Variants in ODAD2 observed in about 807,000 individuals in gnomAD.
ODAD2 encodes the protein outer dynein arm docking complex subunit 2.
ODAD2 carries 89 observed loss-of-function variants against 106.8 expected under a neutral mutation model. The observed-to-expected ratio is 0.83, with a 90% CI of 0.70 to 0.99. The LOEUF (loss-of-function observed/expected upper bound fraction) is 0.99. ODAD2 is among the 50% of genes least tolerant of loss of function. ODAD2 has a pLI of 0.00. For missense variants in ODAD2, 1,168 were observed against 1,238.5 expected, an observed-to-expected ratio of 0.94 and a Z score of 0.85; for synonymous variants, 404 against 436.2, an observed-to-expected ratio of 0.93 and a Z score of 0.92.
intron 15 of ODAD2, among the ~76,000 whole-genome samples, chr10:27,935,768 T>C (rs1248794342): frequency 1.3e-5 from 2 of 150,936 alleles, no homozygotes; most frequent in Non-Finnish European, 2.9e-5. Context: ...CCATCTCTCT[T>C]GTCATAAAAT....
chr10:27,975,361 G>A (rs1358613871), intron 7 of ODAD2, among the ~76,000 whole-genome samples: 6 of 152,056 alleles, frequency 3.9e-5, no homozygotes, highest in South Asian at 2.1e-4. Flanking sequence ...CTAGTTCCTC[G>A]AGGAAATTTA....
At chr10:27,957,842 C>CT (rs1204684011) in intron 10 of ODAD2, among the ~76,000 whole-genome samples, 9 of 151,372 alleles carry the variant, frequency 5.9e-5, no homozygotes, top group African/African-American at 1.5e-4. Flanking sequence ...CTCGTTAAAT[C>CT]TTTTTTTTTC....
Position 27,987,531 on chromosome 10 carries a change from G to T in ODAD2, c.237C>A (p.Val79=). Residue 79 remains valine (V), a synonymous_variant, in exon 3 of 20, where the codon GTC becomes GTA. Transcript: ENST00000305242. The part of the protein sequence containing the change: ...ESGYVVSETT[V]KSEEVDKNGQ... ...CATTTTTATCAACTTCTTCTGATTTGACTGTTGTTTCACTAAAAAATAAAA... is the reference window on the plus strand; with the variant it reads ...CATTTTTATCAACTTCTTCTGATTTTACTGTTGTTTCACTAAAAAATAAAA... 1 of 1,607,522 alleles carries T rather than the reference G, an allele frequency of 6.2e-7. No individual in the cohort carries two copies. The highest frequency in any genetic ancestry group is 8.5e-7 in the Non-Finnish European group (1 of 1,177,906).
chr10:27,869,020 A>G (rs1840660984), intron 17 of ODAD2, among the ~76,000 whole-genome samples: 1 of 151,988 alleles, frequency 6.6e-6, no homozygotes, highest in Non-Finnish European at 1.5e-5. Context: ...AAAGCAATGA[A>G]TGAAAAACCT....
At chr10:27,907,832 C>G (rs1843710798) in intron 16 of ODAD2, 55 bp from the exon 17 acceptor site, 3 of 1,142,598 alleles carry the variant, frequency 2.6e-6, no homozygotes, top group Non-Finnish European at 3.9e-6. Context: ...TGAAGACAAA[C>G]ATTTTAATGA....
chr10:27,903,627 A>C (rs904033790), intron 17 of ODAD2, among the ~76,000 whole-genome samples: 1 of 152,204 alleles, frequency 6.6e-6, no homozygotes, highest in African/African-American at 2.4e-5. Context: ...CAATGTGCAA[A>C]AGTCATAAGC....
chr10:27,812,685 T>C (rs975870334), intron 19 of ODAD2, 60 bp from the exon 20 acceptor site: 196 of 1,499,244 alleles, frequency 1.3e-4, no homozygotes, highest in Non-Finnish European at 1.5e-4. Flanking sequence ...TCTAAAGACA[T>C]AAAGTTAGGC....
chr10:27,902,676 A>G (rs1418289362), intron 17 of ODAD2, among the ~76,000 whole-genome samples: 4 of 152,170 alleles, frequency 2.6e-5, no homozygotes, highest in Non-Finnish European at 5.9e-5. Flanking sequence ...AAACCTTTAC[A>G]CAAATAAACT....
intron 17 of ODAD2, among the ~76,000 whole-genome samples, chr10:27,906,215 C>T (rs779144204): frequency 3.3e-5 from 5 of 152,156 alleles, no homozygotes; most frequent in Non-Finnish European, 7.4e-5. Context: ...TGAAAAGACA[C>T]TTCTCAAAAG....
chr10:27,989,230 A>G (rs1262880666), intron 2 of ODAD2, among the ~76,000 whole-genome samples: 2 of 152,188 alleles, frequency 1.3e-5, no homozygotes, highest in Admixed American at 6.5e-5. Context: ...TACAGCAGCA[A>G]AAGAGGGCTC....
intron 12 of ODAD2, among the ~76,000 whole-genome samples, chr10:27,941,512 A>AC (rs1554816073): frequency 6.8e-6 from 1 of 147,820 alleles, no homozygotes; most frequent in African/African-American, 2.5e-5. Context: ...AAAAAAAAAA[A>AC]CCATGAGATC....
intron 19 of ODAD2, among the ~76,000 whole-genome samples, chr10:27,859,836 T>TAAACAAAC (rs543670883): frequency 1.3e-5 from 2 of 152,252 alleles, no homozygotes; most frequent in East Asian, 1.9e-4. Flanking sequence ...TGCACAGATT[T>TAAACAAAC]AAACAAACAA....
chr10:27,931,714 A>C (rs1845630353), intron 16 of ODAD2, among the ~76,000 whole-genome samples: 1 of 150,014 alleles, frequency 6.7e-6, no homozygotes, highest in South Asian at 2.2e-4. Context: ...CATTTCAAAA[A>C]GTAATGCAAT....
intron 10 of ODAD2, among the ~76,000 whole-genome samples, chr10:27,953,340 T>TA (rs984118217): frequency 6.6e-6 from 1 of 152,158 alleles, no homozygotes; most frequent in African/African-American, 2.4e-5. Context: ...TTCATTCCAA[T>TA]AAAAAATCTT....
At chr10:27,829,930 T>C (rs1837346447) in intron 19 of ODAD2, among the ~76,000 whole-genome samples, 1 of 78,558 alleles carries the variant, frequency 1.3e-5, no homozygotes, top group Non-Finnish European at 3.0e-5. Context: ...CAGGCAGTAA[T>C]TAAAAAAAAA....
intron 17 of ODAD2, among the ~76,000 whole-genome samples, chr10:27,884,687 C>A (rs1589916299): frequency 6.6e-6 from 1 of 152,128 alleles, no homozygotes; most frequent in East Asian, 1.9e-4. Context: ...AGGGAGACTG[C>A]AGACTCACAG....
intron 4 of ODAD2, among the ~76,000 whole-genome samples, 196 bp from the exon 5 acceptor site, chr10:27,984,486 C>T (rs1044619328): frequency 2.6e-5 from 4 of 152,178 alleles, no homozygotes; most frequent in Admixed American, 1.3e-4. Context: ...CAACATTAAA[C>T]GTACTCCATT....
intron 19 of ODAD2, among the ~76,000 whole-genome samples, chr10:27,859,440 G>C (rs1367582546): frequency 1.3e-5 from 2 of 152,000 alleles, no homozygotes; most frequent in African/African-American, 2.4e-5. Context: ...TAAAATAATT[G>C]CCTCAAAAAT....
chr10:27,871,371 T>C (rs1243931993), intron 17 of ODAD2, among the ~76,000 whole-genome samples: 1 of 152,236 alleles, frequency 6.6e-6, no homozygotes, highest in Non-Finnish European at 1.5e-5. Context: ...TAGATCCCAT[T>C]TGTCAATTTT....
Sources: gnomAD v4.1 joint callset for allele counts (sites outside exome capture counted in the v4.1 genomes callset) on GRCh38, gnomAD v4.1.1 for gene constraint, MANE v1.5 for transcripts, NCBI Gene and HGNC (gene_info 2026-07-23, HGNC 2026-07-21) for gene names.